CACTIN: variants seen among roughly 807,000 people sequenced by gnomAD.
CACTIN encodes splicing factor Cactin.
In CACTIN, 20 loss-of-function variants were observed where a neutral mutation model predicts 84.9. That is an observed-to-expected ratio of 0.24 (90% CI 0.17 to 0.34). The LOEUF (loss-of-function observed/expected upper bound fraction) is 0.34, where lower values mean the gene tolerates loss of function less well. CACTIN is among the 10% of genes least tolerant of loss of function. The probability of loss-of-function intolerance (pLI) is 1.00; values close to 1 mark genes in which losing one functional copy is unlikely to be tolerated. For synonymous variants in CACTIN, 549 were observed against 467.9 expected, an observed-to-expected ratio of 1.17 and a Z score of -2.24; for missense variants, 897 against 1,117.2, an observed-to-expected ratio of 0.80 and a Z score of 2.81.
intron 6 of CACTIN, among the ~76,000 whole-genome samples, chr19:3,617,260 CAG>C (rs1667145132): frequency 6.6e-6 from 1 of 152,262 alleles, no homozygotes; most frequent in Non-Finnish European, 1.5e-5. Flanking sequence ...GCCTGGGCGA[CAG>C]AGCGAGACCT....
intron 2 of CACTIN, among the ~76,000 whole-genome samples, chr19:3,621,446 GC>G (rs2033223376): frequency 6.6e-6 from 1 of 152,214 alleles, no homozygotes; most frequent in African/African-American, 2.4e-5. Flanking sequence ...GTGCCCCGTC[GC>G]CATGAGGGGG....
chr19:3,624,105 C>CG lies in CACTIN; in HGVS notation c.224dup (p.Arg76AlafsTer37), dbSNP rs761795759. 1.3e-6 allele frequency: 2 copies of CG among 1,588,484 alleles called. No individual in the cohort carries two copies. The highest frequency in any genetic ancestry group is 8.5e-7 in the Non-Finnish European group (1 of 1,171,148). ...CATCTCTTGAGTGCCACTTGGGCCG[C>CG]GGGGGGCTCCGGCTTCGCATCCCTG... On this transcript the variant is annotated frameshift_variant, in exon 2 of 10. Coordinates refer to ENST00000429344, the MANE Select transcript of CACTIN (RefSeq NM_001080543.2). LOFTEE classifies it high-confidence loss of function.
chr19:3,626,645 G>C lies in CACTIN; in HGVS notation c.118C>G (p.Arg40Gly). 6.5e-7 allele frequency: 1 copy of C among 1,535,378 alleles called. No homozygotes were observed. Among genetic ancestry groups the C allele is most frequent in the Non-Finnish European group, 8.7e-7 (1 of 1,149,934 alleles). ...RSHGRRNRRRREDEGRRRRRR... is the reference protein window; with the variant it reads ...RSHGRRNRRRGEDEGRRRRRR... The stretch of plus-strand genomic sequence containing the variant: ...CGTCTGCGCCGTCCCTCGTCCTCCC[G>C]GCGCCGTCGGTTTCGCCGCCCATGG... Residue 40 changes from arginine to glycine, a missense_variant, in exon 1 of 10, where the codon CGG becomes GGG. By Grantham distance (125) the Arg-to-Gly change is moderately radical. Coordinates refer to ENST00000429344, the MANE Select transcript of CACTIN (RefSeq NM_001080543.2).
rs1357290909 is a variant in CACTIN at position 3,614,466 on chromosome 19, C to T, written c.1286G>A (p.Gly429Asp). The T allele has an allele frequency of 6.3e-7, 1 of 1,598,982 alleles. No individual in the cohort carries two copies. The highest frequency in any genetic ancestry group is 8.5e-7 in the Non-Finnish European group (1 of 1,172,924). Residue 429 changes from glycine to aspartate, a missense_variant, in exon 7 of 10, where the codon GGC becomes GAC. Gly to Asp is a moderately conservative substitution (Grantham distance 94, BLOSUM62 -1). Coordinates refer to ENST00000429344, the MANE Select transcript of CACTIN (RefSeq NM_001080543.2). ...CCAGTAGCCCATGTCCAGGTTGGGG[C>T]CACCAGCGCGGATTTTGCCCTCGAT... The part of the protein sequence containing the change: ...QGIEGKIRAG[G>D]PNLDMGYWES...
rs2033282274 is a variant in CACTIN, at chr19:3,624,008, A to G, written c.322T>C (p.Ser108Pro). 1.2e-6 allele frequency: 2 copies of G among 1,605,634 alleles called. No individual in the cohort carries two copies. Among genetic ancestry groups the G allele is most frequent in the Non-Finnish European group, 1.7e-6 (2 of 1,179,452 alleles). The change falls in exon 2 of 10, where the codon TCG (serine) becomes CCG (proline). Residue 108 changes from serine (S) to proline (P), a missense_variant. Around this residue, in one of 8 missense-constraint regions of CACTIN, gnomAD observed 261 missense variants for 243.8 expected, o/e 1.07. Transcript: ENST00000429344. ...QWARRRRRAR[S>P]WSPSSSASSS... ...GATGCTGAGGAGCTAGGAGACCACG[A>G]GCGTGCGCGCCGTCGCCGGCGAGCC...
At position 3,620,244 on chromosome 19, in the gene CACTIN, C is replaced by T. The variant is rs765605326; in HGVS notation, c.767G>A (p.Arg256Gln). 2.1e-5 allele frequency: 33 copies of T among 1,583,706 alleles called. No individual in the cohort carries two copies. The highest frequency in any genetic ancestry group is 6.9e-5 in the East Asian group (3 of 43,410). Reference sequence around the variant, plus strand: ...CTCCTGCTCGCGCATGGCCTTCTCCCGCTCCCGCTCCAGCCGCAGCTGCTT... The same window carrying T: ...CTCCTGCTCGCGCATGGCCTTCTCCTGCTCCCGCTCCAGCCGCAGCTGCTT... ...KVKQLRLERE[R>Q]EKAMREQELE... Residue 256 changes from arginine (R) to glutamine (Q), a missense_variant, in exon 4 of 10, where the codon CGG becomes CAG. Physicochemically the swap from Arg to Gln is conservative, Grantham distance 43. Around this residue, in one of 8 missense-constraint regions of CACTIN, gnomAD observed 304 missense variants for 444.3 expected, o/e 0.68. Transcript: ENST00000429344.
intron 9 of CACTIN, chr19:3,612,817 G>A (rs1256152852): frequency 2.8e-6 from 2 of 709,370 alleles, no homozygotes; most frequent in East Asian, 5.4e-5. Context: ...CTCGGACAGC[G>A]GCCGGTAAAA....
chr19:3,619,041 A>G (rs1352667085), intron 5 of CACTIN, 39 bp downstream of exon 5: 1 of 1,549,018 alleles, frequency 6.5e-7, no homozygotes, highest in Non-Finnish European at 8.7e-7. Flanking sequence ...GGTGGGGGTG[A>G]GGGTGCAGGT....
chr19:3,626,122 A>G (rs539539963), intron 1 of CACTIN, among the ~76,000 whole-genome samples: 10 of 152,076 alleles, frequency 6.6e-5, no homozygotes. Context: ...CGAGACTGCC[A>G]TCATCTACTG....
At chr19:3,622,363 CAAAAAA>C (rs34766613) in intron 2 of CACTIN, among the ~76,000 whole-genome samples, 3 of 88,150 alleles carry the variant, frequency 3.4e-5, no homozygotes, top group African/African-American at 4.9e-5. Flanking sequence ...GACTCCATCT[CAAAAAA>C]AAAAAAAAAA....
Position 3,613,450 on chromosome 19 carries a change from C to T in CACTIN, c.1478+14G>A. On this transcript the variant is annotated intron_variant, in intron 8 of 9. Transcript: ENST00000429344. ...CGTCTGCATCGGCGTCCCCGGGGTG[C>T]CGGCCGGGCCTACCTGCGGCTGGGG... The T allele has an allele frequency of 6.4e-7, 1 of 1,566,310 alleles. No homozygotes were observed. The highest frequency in any genetic ancestry group is 8.6e-7 in the Non-Finnish European group (1 of 1,161,328).
rs895159054 is a variant in CACTIN, at chr19:3,618,589, A to G, written c.1162+286T>C. ...CTGAGAGCACTGAAACCTGAGCGGA[A>G]AGCCCCGTGGCTCCCATAAGGCCGG... On this transcript the variant is annotated intron_variant, in intron 6 of 9. Transcript: ENST00000429344. Among the ~76,000 whole-genome samples, 8 of 152,342 alleles carry G rather than the reference A, an allele frequency of 5.3e-5. No homozygotes were observed. In the South Asian group the frequency reaches 6.2e-4, roughly 12 times the overall value.
chr19:3,614,342 C>G lies in CACTIN; in HGVS notation c.1355+55G>C, dbSNP rs137954013. On this transcript the variant is annotated intron_variant, in intron 7 of 9. Coordinates refer to ENST00000429344, the MANE Select transcript of CACTIN (RefSeq NM_001080543.2). ...ACCCCACCCAGGACTCAGGAGGGGGCGAAACCCATCCCACCCGGACGGCAC... is the reference window on the plus strand; with the variant it reads ...ACCCCACCCAGGACTCAGGAGGGGGGGAAACCCATCCCACCCGGACGGCAC... 6.3e-5 allele frequency: 96 copies of G among 1,521,408 alleles called. No homozygotes were observed. The East Asian group carries it at 2.3e-3, about 37-fold the overall frequency. 94.2% of individuals were successfully genotyped at this position (1,521,408 alleles called of 1,614,324 possible). A position where few individuals can be genotyped will look rare whatever the true frequency, so the allele number is the denominator to read the frequency against.
chr19:3,626,511 C>T (rs554332024), intron 1 of CACTIN, 85 bp downstream of exon 1: 38 of 1,249,434 alleles, frequency 3.0e-5, no homozygotes, highest in South Asian at 1.7e-4. Context: ...CGGGGGTTTC[C>T]CGGTTCCCCG....
At chr19:3,625,455 C>G (rs1291598805) in intron 1 of CACTIN, among the ~76,000 whole-genome samples, 1 of 152,104 alleles carries the variant, frequency 6.6e-6, no homozygotes, top group Admixed American at 6.6e-5. Flanking sequence ...TATGGGCAGG[C>G]GCGGTGGCTC....
At chr19:3,617,465 G>A (rs1016808626) in intron 6 of CACTIN, among the ~76,000 whole-genome samples, 6 of 152,250 alleles carry the variant, frequency 3.9e-5, no homozygotes, top group African/African-American at 1.4e-4. Context: ...GTCCCCAACT[G>A]TAACGCGTGA....
At chr19:3,612,844 G>A (rs1168005350) in intron 9 of CACTIN, 2 of 730,640 alleles carry the variant, frequency 2.7e-6, no homozygotes, top group East Asian at 2.7e-5. Context: ...ACCACCTGTG[G>A]CCCCAAGGCC....
At chr19:3,612,884 G>A (rs1280179917) in intron 9 of CACTIN, 174 bp downstream of exon 9, 2 of 825,442 alleles carry the variant, frequency 2.4e-6, no homozygotes, top group Non-Finnish European at 4.0e-6. Flanking sequence ...GATGAATGAA[G>A]GAACGCCCCA....
intron 2 of CACTIN, 111 bp downstream of exon 2, chr19:3,623,577 A>G (rs2033269710): frequency 1.0e-6 from 1 of 988,444 alleles, no homozygotes; most frequent in African/African-American, 1.6e-5. Flanking sequence ...GTGTGTGTGT[A>G]AAACCAACTC....
Sources: gnomAD v4.1 joint callset for allele counts (sites outside exome capture counted in the v4.1 genomes callset) on GRCh38, gnomAD v4.1.1 for gene constraint, gnomAD v4.1.1 regional missense constraint, MANE v1.5 for transcripts, NCBI Gene and HGNC (gene_info 2026-07-23, HGNC 2026-07-21) for gene names.